Variants in CRISPLD1 observed in about 807,000 individuals in gnomAD.
The protein encoded by CRISPLD1 is cysteine-rich secretory protein LCCL domain-containing 1.
In CRISPLD1, 60 loss-of-function variants were observed where a neutral mutation model predicts 77.5. The observed-to-expected ratio is 0.77, with a 90% CI of 0.63 to 0.96. The LOEUF (loss-of-function observed/expected upper bound fraction) is 0.96, where lower values mean the gene tolerates loss of function less well. Ranked by LOEUF, CRISPLD1 falls within the 40% of genes least tolerant of loss-of-function variation. The probability of loss-of-function intolerance (pLI) is 0.00; values close to 1 mark genes in which losing one functional copy is unlikely to be tolerated. For synonymous variants in CRISPLD1, 195 were observed against 200.1 expected, an observed-to-expected ratio of 0.97 and a Z score of 0.22; for missense variants, 623 against 615.8, an observed-to-expected ratio of 1.01 and a Z score of -0.12.
intron 2 of CRISPLD1, among the ~76,000 whole-genome samples, chr8:75,003,141 G>A (rs757564152): frequency 5.3e-5 from 8 of 152,150 alleles, no homozygotes; most frequent in Non-Finnish European, 7.4e-5. Flanking sequence ...GGAATTATTA[G>A]TGGAAACTTA....
At chr8:75,032,084 A>G in intron 14 of CRISPLD1, 107 bp from the exon 15 acceptor site, 1 of 710,206 alleles carries the variant, frequency 1.4e-6, no homozygotes. Flanking sequence ...GACCATCTGG[A>G]TTCATAGAGC....
At chr8:75,024,617 G>A (rs558208753) in intron 12 of CRISPLD1, among the ~76,000 whole-genome samples, 12 of 152,238 alleles carry the variant, frequency 7.9e-5, no homozygotes, top group East Asian at 5.8e-4. Context: ...GAGCCACTGC[G>A]CCTGGCTGGA....
chr8:74,991,019 A>G (rs1019364660), intron 2 of CRISPLD1, among the ~76,000 whole-genome samples: 15 of 151,292 alleles, frequency 9.9e-5, no homozygotes, highest in South Asian at 2.1e-4. Flanking sequence ...TCGAGATGGA[A>G]TCTCACTCTG....
intron 13 of CRISPLD1, 69 bp downstream of exon 13, chr8:75,025,690 G>A: frequency 2.5e-6 from 2 of 811,766 alleles, no homozygotes; most frequent in Non-Finnish European, 2.1e-6. Flanking sequence ...ACATTTAAAT[G>A]TGTATATGTA....
intron 12 of CRISPLD1, among the ~76,000 whole-genome samples, chr8:75,024,499 A>G (rs1483101562): frequency 6.6e-6 from 1 of 151,916 alleles, no homozygotes; most frequent in Non-Finnish European, 1.5e-5. Flanking sequence ...TAATTTTTGT[A>G]TTTTTAGCAG....
Position 75,034,367 on chromosome 8 carries a change from A to G in CRISPLD1, c.*2125A>G, listed in dbSNP as rs1176373771. On this transcript the variant is annotated 3_prime_UTR_variant, in exon 15 of 15. Transcript: ENST00000262207. Reference sequence around the variant, plus strand: ...TATGTGTGATGTACTTAAAGGAATAATAAATGCATAATATGAGGTCAGTGG... The same window carrying G: ...TATGTGTGATGTACTTAAAGGAATAGTAAATGCATAATATGAGGTCAGTGG... 1 of 152,090 alleles carries G rather than the reference A, an allele frequency of 6.6e-6. No individual in the cohort carries two copies. Among genetic ancestry groups the G allele is most frequent in the Admixed American group, 6.5e-5 (1 of 15,268 alleles). The allele number at this position is 152,090 out of a possible 1,614,324, so 9.4% of individuals were successfully genotyped here. A position where few individuals can be genotyped will look rare whatever the true frequency, so the allele number is the denominator to read the frequency against.
chr8:75,016,342 G>A (rs1015717330), intron 6 of CRISPLD1, among the ~76,000 whole-genome samples: 1 of 152,000 alleles, frequency 6.6e-6, no homozygotes, highest in Non-Finnish European at 1.5e-5. Context: ...AATATTAGTC[G>A]AACATTAACA....
chr8:75,030,432 C>A (rs1416888258), intron 14 of CRISPLD1, among the ~76,000 whole-genome samples: 1 of 152,034 alleles, frequency 6.6e-6, no homozygotes, highest in African/African-American at 2.4e-5. Flanking sequence ...TAAAATGGAT[C>A]TTTGAGTTAT....
At chr8:74,998,294 A>G (rs1253650407) in intron 2 of CRISPLD1, among the ~76,000 whole-genome samples, 1 of 152,174 alleles carries the variant, frequency 6.6e-6, no homozygotes, top group Non-Finnish European at 1.5e-5. Context: ...ATGAAAAAAT[A>G]GTAGTTTTGG....
chr8:75,017,935 T>C (rs1325660326), intron 10 of CRISPLD1, among the ~76,000 whole-genome samples: 1 of 152,224 alleles, frequency 6.6e-6, no homozygotes, highest in African/African-American at 2.4e-5. Flanking sequence ...AGTATCCCAA[T>C]ATAAAAGCAT....
chr8:75,024,314 A>T (rs1274306108), intron 12 of CRISPLD1, among the ~76,000 whole-genome samples: 1 of 124,728 alleles, frequency 8.0e-6, no homozygotes, highest in Non-Finnish European at 1.6e-5. Flanking sequence ...TTGGACTTGT[A>T]CATTTGTTGT....
intron 6 of CRISPLD1, among the ~76,000 whole-genome samples, chr8:75,016,197 G>T (rs1201888934): frequency 6.6e-6 from 1 of 152,080 alleles, no homozygotes; most frequent in Non-Finnish European, 1.5e-5. Flanking sequence ...TTAAGAATAT[G>T]ATTTTAATTG....
At chr8:75,010,714 T>C (rs1415523415) in intron 2 of CRISPLD1, among the ~76,000 whole-genome samples, 4 of 152,112 alleles carry the variant, frequency 2.6e-5, no homozygotes, top group African/African-American at 9.7e-5. Context: ...ACCTCTTTTA[T>C]CCTGTCTTGC....
intron 1 of CRISPLD1, among the ~76,000 whole-genome samples, chr8:74,985,335 C>G (rs1250046829): frequency 6.6e-6 from 1 of 152,064 alleles, no homozygotes; most frequent in Non-Finnish European, 1.5e-5. Flanking sequence ...GGAACCCAAA[C>G]CATTCATTTG....
intron 13 of CRISPLD1, among the ~76,000 whole-genome samples, chr8:75,025,868 T>C (rs1328376306): frequency 1.3e-5 from 2 of 152,212 alleles, no homozygotes; most frequent in Non-Finnish European, 2.9e-5. Context: ...AGACACATAA[T>C]GAAATAGTCT....
Position 75,034,211 on chromosome 8 carries a change from T to C in CRISPLD1, c.*1969T>C, listed in dbSNP as rs545815382. ...AAACATTTAAGAACTTCCATAGTCT[T>C]GTTCATATTGTTTACCTATCTTCTA... On this transcript the variant is annotated 3_prime_UTR_variant, in exon 15 of 15. Transcript: ENST00000262207. The C allele has an allele frequency of 1.3e-5, 2 of 152,212 alleles. No individual in the cohort carries two copies. The highest frequency in any genetic ancestry group is 1.9e-4 in the East Asian group (1 of 5,176). The allele number at this position is 152,212 out of a possible 1,614,324, so 9.4% of individuals were successfully genotyped here.
At chr8:74,995,105 G>T (rs1003416543) in intron 2 of CRISPLD1, among the ~76,000 whole-genome samples, 1 of 152,078 alleles carries the variant, frequency 6.6e-6, no homozygotes, top group Admixed American at 6.6e-5. Flanking sequence ...AGATCATCAA[G>T]GGAATGAGTA....
chr8:74,988,443 C>G (rs1812527085), intron 2 of CRISPLD1, among the ~76,000 whole-genome samples: 1 of 152,074 alleles, frequency 6.6e-6, no homozygotes, highest in African/African-American at 2.4e-5. Context: ...TTTTAGTTAA[C>G]TCTTTGTCTT....
intron 2 of CRISPLD1, among the ~76,000 whole-genome samples, chr8:74,999,572 TGTG>T (rs1281145424): frequency 3.3e-5 from 5 of 152,142 alleles, no homozygotes; most frequent in Admixed American, 2.0e-4. Context: ...CCCCAGGTGA[TGTG>T]GTGGCCGCTG....
Sources: allele counts gnomAD v4.1 joint callset (sites outside exome capture counted in the v4.1 genomes callset), GRCh38; gene constraint gnomAD v4.1.1; transcripts MANE v1.5; gene names NCBI Gene and HGNC (gene_info 2026-07-23, HGNC 2026-07-21).